The following FAM240B variants were observed in gnomAD, a reference collection of about 807,000 sequenced individuals.
FAM240B encodes protein FAM240B.
At chr9:38,700,025 C>G (rs1230717270) in intron 2 of FAM240B, among the ~76,000 whole-genome samples, 1 of 152,208 alleles carries the variant, frequency 6.6e-6, no homozygotes, top group African/African-American at 2.4e-5. Context: ...TCCCTGTGGC[C>G]TGCAGCTCAC....
Position 38,715,682 on chromosome 9 carries a change from AT to A in FAM240B, c.-4+4339del, listed in dbSNP as rs201686935. Among the ~76,000 whole-genome samples the A allele has an allele frequency of 3.9e-3, 598 of 152,334 alleles. 5 individuals carry two copies. Among genetic ancestry groups the A allele is most frequent in the African/African-American group, 0.013 (555 of 41,584 alleles). ...TCTTTATTTTTAAATGTTGATGATA[AT>A]TTACAGACATTTCAAAGCTCTGTGC... On this transcript the variant is annotated intron_variant, in intron 1 of 2. Transcript: ENST00000637493.
chr9:38,706,460 G>A (rs1821191335), intron 1 of FAM240B, among the ~76,000 whole-genome samples: 1 of 152,172 alleles, frequency 6.6e-6, no homozygotes, highest in African/African-American at 2.4e-5. Context: ...GTGACTTAGA[G>A]CGGTAGAGCT....
chr9:38,694,565 T>A lies in FAM240B; in HGVS notation c.*211A>T, dbSNP rs1821044271. On this transcript the variant is annotated 3_prime_UTR_variant, in exon 3 of 3. Transcript: ENST00000637493. Reference sequence around the variant, plus strand: ...AAATAGCCCAAGCGTCCTATCCCACTTGCGGTCATCCTGTCCTCTGTGCGG... The same window carrying A: ...AAATAGCCCAAGCGTCCTATCCCACATGCGGTCATCCTGTCCTCTGTGCGG... 2.6e-6 allele frequency: 1 copy of A among 386,324 alleles called. No individual in the cohort carries two copies. Among genetic ancestry groups the A allele is most frequent in the Admixed American group, 4.5e-5 (1 of 22,320 alleles). The allele number at this position is 386,324 out of a possible 1,614,324, so 23.9% of individuals were successfully genotyped here. A position where few individuals can be genotyped will look rare whatever the true frequency, so the allele number is the denominator to read the frequency against.
At chr9:38,698,443 T>C (rs992352267) in intron 2 of FAM240B, among the ~76,000 whole-genome samples, 1 of 152,216 alleles carries the variant, frequency 6.6e-6, no homozygotes, top group Admixed American at 6.5e-5. Context: ...CAGGTGACTA[T>C]ATGGGATTTA....
chr9:38,694,823 G>A lies in FAM240B; in HGVS notation c.190C>T (p.Leu64=), dbSNP rs1314783130. Residue 64 remains leucine, a synonymous_variant, in exon 3 of 3, where the codon CTG becomes TTG. Coordinates refer to ENST00000637493, the MANE Select transcript of FAM240B (RefSeq NM_001394922.1). The part of the protein sequence containing the change: ...RQRLERRLRM[L]DNPVEKEKPA... ...TTTTCCTTCTCAACAGGGTTGTCCA[G>A]CATCCTCAGCCTCCTCTCCAGCCTC... 1 of 398,730 alleles carries A rather than the reference G, an allele frequency of 2.5e-6. No individual in the cohort carries two copies. The highest frequency in any genetic ancestry group is 4.4e-6 in the Non-Finnish European group (1 of 226,196). 24.7% of individuals were successfully genotyped at this position (398,730 alleles called of 1,614,324 possible). A position where few individuals can be genotyped will look rare whatever the true frequency, so the allele number is the denominator to read the frequency against.
chr9:38,698,230 A>T (rs556882455), intron 2 of FAM240B, among the ~76,000 whole-genome samples: 3 of 152,226 alleles, frequency 2.0e-5, no homozygotes, highest in Non-Finnish European at 4.4e-5. Flanking sequence ...ATAGCAAAAA[A>T]AATTGAGGAA....
At chr9:38,694,899 G>C in intron 2 of FAM240B, 30 bp from the exon 3 acceptor site, 1 of 398,602 alleles carries the variant, frequency 2.5e-6, no homozygotes, top group Non-Finnish European at 4.4e-6. Flanking sequence ...CACATGCTCA[G>C]TGCATTTGTC....
intron 2 of FAM240B, among the ~76,000 whole-genome samples, chr9:38,700,820 C>T (rs1821117377): frequency 1.3e-5 from 2 of 152,222 alleles, no homozygotes; most frequent in Non-Finnish European, 2.9e-5. Context: ...TGATCTCACC[C>T]TGGGACCTCT....
At chr9:38,716,766 C>T (rs1345889212) in intron 1 of FAM240B, among the ~76,000 whole-genome samples, 1 of 152,164 alleles carries the variant, frequency 6.6e-6, no homozygotes, top group Non-Finnish European at 1.5e-5. Context: ...TTTCCTGAAC[C>T]GGAAACGGGC....
intron 1 of FAM240B, among the ~76,000 whole-genome samples, chr9:38,707,727 G>T (rs1354440601): frequency 6.6e-6 from 1 of 150,978 alleles, no homozygotes; most frequent in Admixed American, 6.6e-5. Flanking sequence ...CTGGGAGGTG[G>T]AGATTGCAGT....
At chr9:38,702,159 C>T (rs1821136403) in intron 2 of FAM240B, among the ~76,000 whole-genome samples, 1 of 152,156 alleles carries the variant, frequency 6.6e-6, no homozygotes, top group South Asian at 2.1e-4. Flanking sequence ...GGGGACCACA[C>T]AACGGACTCT....
intron 2 of FAM240B, among the ~76,000 whole-genome samples, chr9:38,698,158 G>A (rs574771477): frequency 5.3e-5 from 8 of 152,112 alleles, no homozygotes; most frequent in South Asian, 4.1e-4. Flanking sequence ...AAAAATGATG[G>A]ACAAAATGTT....
At chr9:38,709,991 G>C (rs10973989) in intron 1 of FAM240B, among the ~76,000 whole-genome samples, 2 of 152,126 alleles carry the variant, frequency 1.3e-5, no homozygotes, top group Admixed American at 6.5e-5. Context: ...TTGTTGTTGA[G>C]ACGGAGTCTT....
chr9:38,720,043 G>T lies in FAM240B; in HGVS notation c.-25C>A, dbSNP rs956956089. On this transcript the variant is annotated 5_prime_UTR_variant, in exon 1 of 3. Transcript: ENST00000637493. ...GTACCTTAAAGATGAATTTGCAGGT[G>T]ATACCCGGCTAGGGTGCAAAGGAGG... 2 of 152,000 alleles carry T rather than the reference G, an allele frequency of 1.3e-5. No homozygotes were observed. Among genetic ancestry groups the T allele is most frequent in the Non-Finnish European group, 2.9e-5 (2 of 67,990 alleles). 9.4% of individuals were successfully genotyped at this position (152,000 alleles called of 1,614,324 possible).
At chr9:38,705,588 C>CAAAAAAAA (rs67726050) in intron 1 of FAM240B, 1 of 101,114 alleles carries the variant, frequency 9.9e-6, no homozygotes, top group Non-Finnish European at 1.9e-5. Context: ...GACTCCAACT[C>CAAAAAAAA]AAAAAAAAAA....
chr9:38,719,842 A>G (rs1821351349), intron 1 of FAM240B, among the ~76,000 whole-genome samples, 180 bp downstream of exon 1: 1 of 152,226 alleles, frequency 6.6e-6, no homozygotes, highest in South Asian at 2.1e-4. Flanking sequence ...AGAGATGGAA[A>G]AAAATCTACT....
chr9:38,713,322 C>T lies in FAM240B; in HGVS notation c.-4+6700G>A, dbSNP rs545800982. Among the ~76,000 whole-genome samples, 3 of 151,938 alleles carry T rather than the reference C, an allele frequency of 2.0e-5. No individual in the cohort carries two copies. The East Asian group carries it at 5.8e-4, about 29-fold the overall frequency. On this transcript the variant is annotated intron_variant, in intron 1 of 2. Transcript: ENST00000637493. ...TGAAACCCCATCTCTACTAAAAATA[C>T]AAAAGATTAGCTGGGCATGGTGGCG...
At chr9:38,699,981 T>G (rs981267656) in intron 2 of FAM240B, among the ~76,000 whole-genome samples, 1 of 152,190 alleles carries the variant, frequency 6.6e-6, no homozygotes, top group Non-Finnish European at 1.5e-5. Context: ...CAATTGTTTT[T>G]TCATAGTGGG....
intron 1 of FAM240B, among the ~76,000 whole-genome samples, chr9:38,717,348 A>C (rs960672180): frequency 2.0e-5 from 3 of 152,254 alleles, no homozygotes; most frequent in African/African-American, 7.2e-5. Flanking sequence ...TGGGAGGCCA[A>C]GGCGGGCGGA....
Sources: allele counts gnomAD v4.1 joint callset (sites outside exome capture counted in the v4.1 genomes callset), GRCh38; gene constraint gnomAD v4.1.1; transcripts MANE v1.5; gene names NCBI Gene and HGNC (gene_info 2026-07-23, HGNC 2026-07-21).